Variants in DEPDC4 observed in about 807,000 individuals in gnomAD.
DEPDC4 encodes the protein DEP domain containing 4, also known as DEP domain-containing protein 4.
In DEPDC4, 52 loss-of-function variants were observed where a neutral mutation model predicts 52.0. The observed-to-expected ratio is 1.00, with a 90% CI of 0.80 to 1.26. The LOEUF (loss-of-function observed/expected upper bound fraction) is 1.26, where lower values mean the gene tolerates loss of function less well. DEPDC4 is among the 50% of genes most tolerant of loss of function. The pLI is 0.00. For synonymous variants in DEPDC4, 201 were observed against 196.8 expected, an observed-to-expected ratio of 1.02 and a Z score of -0.18; for missense variants, 530 against 546.9, an observed-to-expected ratio of 0.97 and a Z score of 0.31.
chr12:100,261,743 T>A (rs1342779266), intron 3 of DEPDC4: 1 of 456,714 alleles, frequency 2.2e-6, no homozygotes, highest in Admixed American at 2.3e-5. Flanking sequence ...TCTTATCTGA[T>A]GTAATTGCTG....
In DEPDC4 at chr12:100,244,093, G is replaced by GTATATATATA. The variant is rs775573664; in HGVS notation, c.1454-1525_1454-1524insTATATATATA. The stretch of plus-strand genomic sequence containing the variant: ...TCCCTCTCTCTCTCTCTCTCTCTCT[G>GTATATATATA]TGTATATATATATATATATATATAT... On this transcript the variant is annotated intron_variant, in intron 8 of 9. Transcript: ENST00000550587. Among the ~76,000 whole-genome samples the GTATATATATA allele has an allele frequency of 7.1e-3, 631 of 89,270 alleles. 72 individuals carry two copies. The highest frequency in any genetic ancestry group is 0.02 in the East Asian group (40 of 2,040). 58.6% of individuals were successfully genotyped at this position (89,270 alleles called of 152,430 possible).
chr12:100,244,927 A>C (rs778828437), intron 8 of DEPDC4, among the ~76,000 whole-genome samples: 2 of 151,658 alleles, frequency 1.3e-5, no homozygotes, highest in Non-Finnish European at 2.9e-5. Flanking sequence ...ACTGGAGTGC[A>C]GTGGCGCAAT....
In DEPDC4 at chr12:100,263,791, T is replaced by TATGTCTGTA. The variant is rs1363329736; in HGVS notation, c.251_259dup (p.Leu84_Thr86dup). 6.2e-7 allele frequency: 1 copy of TATGTCTGTA among 1,614,172 alleles called. No homozygotes were observed. Among genetic ancestry groups the TATGTCTGTA allele is most frequent in the Non-Finnish European group, 8.5e-7 (1 of 1,180,014 alleles). On this transcript the variant is annotated inframe_insertion, in exon 2 of 10. Coordinates refer to ENST00000550587, the MANE Select transcript of DEPDC4 (RefSeq NM_001364818.2). Reference sequence around the variant, plus strand: ...ATCAGAACCAGTGAAACAGTCTTTGTATGTCTGTAAATGATGCCTCCTTCT... The same window carrying TATGTCTGTA: ...ATCAGAACCAGTGAAACAGTCTTTGTATGTCTGTAATGTCTGTAAATGATGCCTCCTTCT...
upstream of DEPDC4, among the ~76,000 whole-genome samples, chr12:100,269,808 A>G (rs927503596): frequency 6.6e-6 from 1 of 152,178 alleles, no homozygotes; most frequent in African/African-American, 2.4e-5. Context: ...CTCAGGATAC[A>G]GATATACTTC....
chr12:100,251,693 G>A (rs2096208651), intron 7 of DEPDC4, among the ~76,000 whole-genome samples: 1 of 151,902 alleles, frequency 6.6e-6, no homozygotes, highest in African/African-American at 2.4e-5. Context: ...TCAGCCTCCT[G>A]AGTAGCTGGG....
chr12:100,238,673 A>T (rs1463333558), downstream of DEPDC4, among the ~76,000 whole-genome samples: 1 of 151,118 alleles, frequency 6.6e-6, no homozygotes, highest in Non-Finnish European at 1.5e-5. Flanking sequence ...TTTACTAGAG[A>T]TGGGGTTTTG....
At chr12:100,268,945 C>T (rs1592920191), upstream of DEPDC4, among the ~76,000 whole-genome samples, 1 of 152,126 alleles carries the variant, frequency 6.6e-6, no homozygotes, top group South Asian at 2.1e-4. Context: ...GTCTGCTCTT[C>T]GTCTGTAACA....
chr12:100,275,043 A>T, the DEPDC4 span, among the ~76,000 whole-genome samples: 1 of 152,046 alleles, frequency 6.6e-6, no homozygotes, highest in African/African-American at 2.4e-5. Flanking sequence ...ATATCGTTCC[A>T]TTTATTTAGG....
chr12:100,238,107 T>G (rs1385866086), downstream of DEPDC4: 3 of 970,040 alleles, frequency 3.1e-6, no homozygotes, highest in African/African-American at 5.3e-5. Flanking sequence ...GTATACTAAC[T>G]TCCTCCCCAA....
intron 3 of DEPDC4, among the ~76,000 whole-genome samples, chr12:100,260,185 A>C (rs1389215968): frequency 6.6e-6 from 1 of 151,810 alleles, no homozygotes; most frequent in African/African-American, 2.4e-5. Context: ...CAAAGGCGCG[A>C]TCTCCATTTA....
chr12:100,261,125 G>C (rs941567236), intron 3 of DEPDC4, among the ~76,000 whole-genome samples: 14 of 149,612 alleles, frequency 9.4e-5, no homozygotes, highest in Non-Finnish European at 4.4e-5. Flanking sequence ...AGGTTGGAGT[G>C]AGCCAAGATC....
intron 5 of DEPDC4, 149 bp from the exon 6 acceptor site, chr12:100,252,685 T>C (rs1343501974): frequency 1.5e-6 from 1 of 668,412 alleles, no homozygotes; most frequent in African/African-American, 1.9e-5. Flanking sequence ...ATGGAATATT[T>C]CAAACACACA....
chr12:100,281,650 G>A, the DEPDC4 span, among the ~76,000 whole-genome samples: 3 of 152,090 alleles, frequency 2.0e-5, no homozygotes, highest in Non-Finnish European at 2.9e-5. Flanking sequence ...TGGCTAACAC[G>A]GTGAAACCCT....
chr12:100,263,010 T>C (rs2096259066), intron 2 of DEPDC4, among the ~76,000 whole-genome samples: 3 of 152,106 alleles, frequency 2.0e-5, no homozygotes, highest in Admixed American at 2.0e-4. Context: ...CTGGCTGGAG[T>C]ACAGTGGCAC....
chr12:100,247,060 CTGAG>C (rs1374944285), intron 8 of DEPDC4, among the ~76,000 whole-genome samples: 3 of 152,086 alleles, frequency 2.0e-5, no homozygotes, highest in Admixed American at 6.6e-5. Context: ...GACAGTTTTA[CTGAG>C]TAAGAGATAA....
At chr12:100,271,648 C>T (rs893403040), upstream of DEPDC4, among the ~76,000 whole-genome samples, 4 of 152,146 alleles carry the variant, frequency 2.6e-5, no homozygotes. Flanking sequence ...TGCTAGGTGC[C>T]ATGAGACTGA....
chr12:100,265,535 C>T (rs760528402), intron 1 of DEPDC4, among the ~76,000 whole-genome samples: 9 of 151,772 alleles, frequency 5.9e-5, no homozygotes, highest in South Asian at 2.1e-4. Flanking sequence ...GTGGAGGTTG[C>T]GGTGAGCCGA....
chr12:100,238,380 G>A (rs1169173599), downstream of DEPDC4, among the ~76,000 whole-genome samples: 2 of 151,786 alleles, frequency 1.3e-5, no homozygotes, highest in African/African-American at 4.8e-5. Flanking sequence ...GGCTGGTCTC[G>A]AACTCCTGAT....
At chr12:100,271,560 T>G (rs2096287748), upstream of DEPDC4, among the ~76,000 whole-genome samples, 1 of 152,224 alleles carries the variant, frequency 6.6e-6, no homozygotes, top group African/African-American at 2.4e-5. Context: ...AAGCAAACTA[T>G]TTTGAGTTTC....
Sources: gnomAD v4.1 joint callset for allele counts (sites outside exome capture counted in the v4.1 genomes callset) on GRCh38, gnomAD v4.1.1 for gene constraint, MANE v1.5 for transcripts, NCBI Gene and HGNC (gene_info 2026-07-23, HGNC 2026-07-21) for gene names.